The following GALNT10 variants were observed in gnomAD, a reference collection of about 807,000 sequenced individuals.
The protein encoded by GALNT10 is GalNAc transferase 10.
GALNT10 carries 41 observed loss-of-function variants against 75.0 expected under a neutral mutation model. That is an observed-to-expected ratio of 0.55 (90% CI 0.43 to 0.71). The LOEUF (loss-of-function observed/expected upper bound fraction) is 0.71, where lower values mean the gene tolerates loss of function less well. Ranked by LOEUF, GALNT10 falls within the 30% of genes least tolerant of loss-of-function variation. GALNT10 has a pLI of 0.00. For synonymous variants in GALNT10, 302 were observed against 313.0 expected (o/e 0.96, Z 0.37); for missense variants, 727 against 818.5 (o/e 0.89, Z 1.36).
intron 1 of GALNT10, among the ~76,000 whole-genome samples, chr5:154,273,358 C>T (rs1189038140): frequency 6.6e-6 from 1 of 152,164 alleles, no homozygotes; most frequent in Non-Finnish European, 1.5e-5. Context: ...AATAAAGTCA[C>T]ATGAAAAAGA....
intron 1 of GALNT10, among the ~76,000 whole-genome samples, chr5:154,230,608 A>G (rs1392401748): frequency 1.3e-5 from 2 of 152,214 alleles, no homozygotes; most frequent in Non-Finnish European, 2.9e-5. Context: ...CTAGAGAGAT[A>G]ACAGGTAACA....
At chr5:154,229,749 C>G (rs1294518182) in intron 1 of GALNT10, among the ~76,000 whole-genome samples, 1 of 151,942 alleles carries the variant, frequency 6.6e-6, no homozygotes, top group East Asian at 1.9e-4. Context: ...AAAAAAGAAT[C>G]TAAGTTCCAT....
intron 6 of GALNT10, among the ~76,000 whole-genome samples, chr5:154,385,810 G>A (rs1755799257): frequency 6.6e-6 from 1 of 152,242 alleles, no homozygotes; most frequent in South Asian, 2.1e-4. Context: ...GGCCTACTGA[G>A]TAATAGTTGT....
chr5:154,408,882 C>T (rs1007673854), intron 8 of GALNT10, among the ~76,000 whole-genome samples: 1 of 152,186 alleles, frequency 6.6e-6, no homozygotes, highest in East Asian at 1.9e-4. Flanking sequence ...CAAGGTAGCT[C>T]TAGCTTCAGA....
At chr5:154,233,033 C>CA (rs1753191319) in intron 1 of GALNT10, among the ~76,000 whole-genome samples, 1 of 152,212 alleles carries the variant, frequency 6.6e-6, no homozygotes, top group African/African-American at 2.4e-5. Context: ...ACAAGTTACT[C>CA]AGCCTTTCTG....
intron 1 of GALNT10, among the ~76,000 whole-genome samples, chr5:154,272,354 G>A (rs1329025256): frequency 6.6e-6 from 1 of 152,196 alleles, no homozygotes; most frequent in Non-Finnish European, 1.5e-5. Context: ...CTGTGCCACT[G>A]CTGACAAGTA....
intron 1 of GALNT10, among the ~76,000 whole-genome samples, chr5:154,226,943 A>G (rs2113659791): frequency 6.6e-6 from 1 of 150,800 alleles, no homozygotes; most frequent in South Asian, 2.1e-4. Flanking sequence ...TACGGTATGT[A>G]CTCTTTAAAA....
intron 8 of GALNT10, among the ~76,000 whole-genome samples, chr5:154,405,387 A>G (rs915665799): frequency 1.3e-5 from 2 of 152,076 alleles, no homozygotes; most frequent in African/African-American, 4.8e-5. Context: ...AGTGCCCTCC[A>G]GTGGTAGCAG....
chr5:154,191,035 C>T lies in GALNT10; in HGVS notation c.159+10C>T. Reference sequence around the variant, plus strand: ...GCCGGCGGCGGGACAGGTGAGTCCCCCCGTTGCTACAGGCCGGGAACACCC... The same window carrying T: ...GCCGGCGGCGGGACAGGTGAGTCCCTCCGTTGCTACAGGCCGGGAACACCC... On this transcript the variant is annotated intron_variant, in intron 1 of 11. Transcript: ENST00000297107. 7.1e-7 allele frequency: 1 copy of T among 1,410,034 alleles called. No individual in the cohort carries two copies. The highest frequency in any genetic ancestry group is 2.5e-5 in the Admixed American group (1 of 40,048). The allele number at this position is 1,410,034 out of a possible 1,614,324, so 87.3% of individuals were successfully genotyped here.
chr5:154,315,721 C>T (rs147385704), intron 3 of GALNT10, among the ~76,000 whole-genome samples: 1 of 152,310 alleles, frequency 6.6e-6, no homozygotes, highest in East Asian at 1.9e-4. Context: ...TAGAGCCCAC[C>T]CAGGACTCCT....
At chr5:154,293,691 G>A (rs1229761654) in intron 1 of GALNT10, among the ~76,000 whole-genome samples, 1 of 150,704 alleles carries the variant, frequency 6.6e-6, no homozygotes, top group Non-Finnish European at 1.5e-5. Flanking sequence ...TTCTCTTTGG[G>A]TCTGGGCCCT....
intron 3 of GALNT10, among the ~76,000 whole-genome samples, chr5:154,313,373 C>T (rs1045667483): frequency 6.6e-6 from 1 of 151,472 alleles, no homozygotes. Context: ...TAAAACAGTT[C>T]CCAAAATGTA....
chr5:154,315,212 A>C (rs903397230), intron 3 of GALNT10, among the ~76,000 whole-genome samples: 7 of 152,362 alleles, frequency 4.6e-5, no homozygotes, highest in Non-Finnish European at 8.8e-5. Flanking sequence ...ACAGATTTAG[A>C]GATAGGACAG....
chr5:154,362,232 T>C (rs1755401392), intron 4 of GALNT10, among the ~76,000 whole-genome samples: 1 of 152,204 alleles, frequency 6.6e-6, no homozygotes, highest in Non-Finnish European at 1.5e-5. Flanking sequence ...GAGCCTGTGC[T>C]AACAAATCGA....
intron 1 of GALNT10, chr5:154,220,258 A>G (rs1752959135): frequency 6.6e-6 from 1 of 152,194 alleles, no homozygotes; most frequent in Admixed American, 6.5e-5. Context: ...AACTGACAAC[A>G]TATTTAGTAT....
intron 7 of GALNT10, among the ~76,000 whole-genome samples, chr5:154,395,577 T>A (rs1032126165): frequency 4.6e-5 from 7 of 151,930 alleles, no homozygotes; most frequent in African/African-American, 1.5e-4. Context: ...AAGACAAGAG[T>A]GGAAAGAGGC....
At chr5:154,286,828 C>T (rs939698761) in intron 1 of GALNT10, among the ~76,000 whole-genome samples, 5 of 152,186 alleles carry the variant, frequency 3.3e-5, no homozygotes, top group Admixed American at 1.3e-4. Flanking sequence ...ACTTGCCTGA[C>T]GTGGGCCCAG....
rs565483101 is a variant in GALNT10 at position 154,408,668 on chromosome 5, T to G, written c.1165-873T>G. On this transcript the variant is annotated intron_variant, in intron 8 of 11. Coordinates refer to ENST00000297107, the MANE Select transcript of GALNT10 (RefSeq NM_198321.4). ...TTTTTAAAACTGATTATCTTTGTGC[T>G]TCATGATGAAAGTAGCAGCAACCTT... 5.3e-5 allele frequency among the ~76,000 whole-genome samples: 8 copies of G among 152,152 alleles called. No homozygotes were observed. The East Asian group carries it at 1.5e-3, about 29-fold the overall frequency.
chr5:154,340,343 T>G (rs1755016167), intron 4 of GALNT10, among the ~76,000 whole-genome samples: 1 of 152,202 alleles, frequency 6.6e-6, no homozygotes, highest in African/African-American at 2.4e-5. Flanking sequence ...ATGTTTCACT[T>G]TATAGGAAGC....
Sources: gnomAD v4.1 joint callset for allele counts (sites outside exome capture counted in the v4.1 genomes callset) on GRCh38, gnomAD v4.1.1 for gene constraint, MANE v1.5 for transcripts, NCBI Gene and HGNC (gene_info 2026-07-23, HGNC 2026-07-21) for gene names.